The following PPM1D variants were observed in gnomAD, a reference collection of about 807,000 sequenced individuals.
The protein encoded by PPM1D is protein phosphatase, Mg2+/Mn2+ dependent 1D.
A neutral mutation model predicts 58.3 loss-of-function variants in PPM1D; 52 were observed. That is an observed-to-expected ratio of 0.89 (90% CI 0.71 to 1.12). The LOEUF (loss-of-function observed/expected upper bound fraction) is 1.12. Among genes scored for constraint, PPM1D ranks in the 50% most tolerant of loss-of-function variants. The pLI, the probability that PPM1D is intolerant of heterozygous loss-of-function variation, is 0.00. For missense variants in PPM1D, 564 were observed against 777.2 expected, an observed-to-expected ratio of 0.73 and a Z score of 3.26; for synonymous variants, 278 against 285.1, an observed-to-expected ratio of 0.98 and a Z score of 0.25.
intron 1 of PPM1D, among the ~76,000 whole-genome samples, chr17:60,603,275 T>A (rs1210562197): frequency 6.6e-6 from 1 of 152,164 alleles, no homozygotes; most frequent in Non-Finnish European, 1.5e-5. Flanking sequence ...AGAGAGTTTT[T>A]ATGTGGGCTA....
intron 2 of PPM1D, among the ~76,000 whole-genome samples, chr17:60,629,382 A>T (rs2030874789): frequency 6.6e-6 from 1 of 152,206 alleles, no homozygotes; most frequent in Non-Finnish European, 1.5e-5. Flanking sequence ...CACTTGGGAG[A>T]TGGAAAAATG....
At chr17:60,634,004 T>A (rs1232041471) in intron 3 of PPM1D, 27 bp downstream of exon 3, 2 of 1,607,722 alleles carry the variant, frequency 1.2e-6, no homozygotes, top group Non-Finnish European at 1.7e-6. Flanking sequence ...TTGGTGAAAT[T>A]ATATTGAATT....
chr17:60,638,151 A>G (rs1477673914), intron 3 of PPM1D, among the ~76,000 whole-genome samples: 2 of 152,212 alleles, frequency 1.3e-5, no homozygotes, highest in Non-Finnish European at 2.9e-5. Flanking sequence ...CTTTACTTCA[A>G]CATAATTTTG....
intron 1 of PPM1D, among the ~76,000 whole-genome samples, chr17:60,617,316 C>T (rs1209832564): frequency 6.6e-6 from 1 of 151,796 alleles, no homozygotes; most frequent in Non-Finnish European, 1.5e-5. Context: ...TTTATTCATT[C>T]ACATTTATTG....
chr17:60,660,203 G>A (rs1598414480), intron 5 of PPM1D, among the ~76,000 whole-genome samples: 2 of 152,110 alleles, frequency 1.3e-5, no homozygotes, highest in Admixed American at 1.3e-4. Context: ...GGGTGTGGTG[G>A]TGGGTGCCTG....
intron 2 of PPM1D, among the ~76,000 whole-genome samples, chr17:60,626,527 T>G (rs1459939804): frequency 6.6e-6 from 1 of 151,940 alleles, no homozygotes; most frequent in Non-Finnish European, 1.5e-5. Context: ...CTCTAGTAGC[T>G]GGGACTACAG....
At chr17:60,637,030 G>A (rs1310345090) in intron 3 of PPM1D, among the ~76,000 whole-genome samples, 3 of 143,392 alleles carry the variant, frequency 2.1e-5, no homozygotes, top group Admixed American at 7.3e-5. Flanking sequence ...GTGCAGTGAT[G>A]TGATCTCAGC....
rs528326902 is a variant in PPM1D at position 60,655,247 on chromosome 17, T to C, written c.1018-1352T>C. On this transcript the variant is annotated intron_variant, in intron 4 of 5. Coordinates refer to ENST00000305921, the MANE Select transcript of PPM1D (RefSeq NM_003620.4). ...TTTCTTCGATTTGCAGAATCTCTTA[T>C]GTTAGAAGGAATTTGACCCTTTGCA... is the stretch of plus-strand genomic sequence containing the variant. 3.9e-5 allele frequency among the ~76,000 whole-genome samples: 6 copies of C among 152,378 alleles called. No individual in the cohort carries two copies. In the South Asian group the frequency reaches 6.2e-4, roughly 16 times the overall value.
chr17:60,628,498 A>G (rs1197586213), intron 2 of PPM1D, among the ~76,000 whole-genome samples: 1 of 152,120 alleles, frequency 6.6e-6, no homozygotes, highest in Non-Finnish European at 1.5e-5. Flanking sequence ...AGTCCTCTGT[A>G]CTTTGTCTGT....
chr17:60,645,182 C>T (rs534056232), intron 3 of PPM1D, among the ~76,000 whole-genome samples: 1 of 152,098 alleles, frequency 6.6e-6, no homozygotes, highest in African/African-American at 2.4e-5. Context: ...GATGAAACCT[C>T]GTCTCTACTA....
intron 3 of PPM1D, among the ~76,000 whole-genome samples, chr17:60,637,535 T>G (rs1309181632): frequency 6.6e-6 from 1 of 152,148 alleles, no homozygotes; most frequent in African/African-American, 2.4e-5. Context: ...TTTCGGCATG[T>G]TTTAGACATT....
In PPM1D at chr17:60,600,339, G is replaced by A. The variant is rs944309598; in HGVS notation, c.-76G>A. ...CGTCGAAGATAAACAATAGTTGGCCGGCGAGCGCCTAGTGTGTCTCCCGCC... is the reference window on the plus strand; with the variant it reads ...CGTCGAAGATAAACAATAGTTGGCCAGCGAGCGCCTAGTGTGTCTCCCGCC... On this transcript the variant is annotated 5_prime_UTR_variant, in exon 1 of 6. Transcript: ENST00000305921. 2 of 1,509,710 alleles carry A rather than the reference G, an allele frequency of 1.3e-6. No individual in the cohort carries two copies. The allele number at this position is 1,509,710 out of a possible 1,614,324, so 93.5% of individuals were successfully genotyped here. A position where few individuals can be genotyped will look rare whatever the true frequency, so the allele number is the denominator to read the frequency against.
At chr17:60,620,939 T>C (rs1160005035) in intron 1 of PPM1D, among the ~76,000 whole-genome samples, 2 of 152,188 alleles carry the variant, frequency 1.3e-5, no homozygotes, top group Non-Finnish European at 2.9e-5. Flanking sequence ...TTCTTTTTTT[T>C]TGAGGCAGAT....
At chr17:60,615,051 T>C (rs1229302245) in intron 1 of PPM1D, among the ~76,000 whole-genome samples, 1 of 152,236 alleles carries the variant, frequency 6.6e-6, no homozygotes, top group Non-Finnish European at 1.5e-5. Flanking sequence ...AGAGATGTTA[T>C]AACAATTTAT....
chr17:60,600,917 C>T (rs751141001), intron 1 of PPM1D, 31 bp downstream of exon 1: 5 of 1,612,404 alleles, frequency 3.1e-6, no homozygotes, highest in East Asian at 2.2e-5. Flanking sequence ...GGCGCCCGCC[C>T]CTTTTTCAGG....
chr17:60,600,212 C>A lies in PPM1D; in HGVS notation c.-203C>A. On this transcript the variant is annotated 5_prime_UTR_variant, in exon 1 of 6. It adds an upstream start codon to the 5' untranslated region. Coordinates refer to ENST00000305921, the MANE Select transcript of PPM1D (RefSeq NM_003620.4). ...AAGCGCAGTGCGCAGGCGCAACTGC[C>A]TGGCTCTGCTCGCTCCGGCGCTCCG... 2 of 1,052,298 alleles carry A rather than the reference C, an allele frequency of 1.9e-6. No individual in the cohort carries two copies. The highest frequency in any genetic ancestry group is 2.6e-6 in the Non-Finnish European group (2 of 758,936). 65.2% of individuals were successfully genotyped at this position (1,052,298 alleles called of 1,614,324 possible).
intron 3 of PPM1D, among the ~76,000 whole-genome samples, chr17:60,642,357 T>A (rs2031151748): frequency 6.6e-6 from 1 of 151,270 alleles, no homozygotes; most frequent in East Asian, 1.9e-4. Flanking sequence ...AATGGATTTT[T>A]TTTTTTTTTT....
chr17:60,646,467 T>G (rs1402181717), intron 3 of PPM1D, among the ~76,000 whole-genome samples: 1 of 152,204 alleles, frequency 6.6e-6, no homozygotes, highest in African/African-American at 2.4e-5. Context: ...GTTTAACCTC[T>G]TGTCTGAAAA....
chr17:60,614,487 A>G (rs1019412908), intron 1 of PPM1D, among the ~76,000 whole-genome samples: 2 of 152,206 alleles, frequency 1.3e-5, no homozygotes, highest in African/African-American at 4.8e-5. Context: ...AAACAGACTA[A>G]TCAGCTCTCT....
Sources: allele counts gnomAD v4.1 joint callset (sites outside exome capture counted in the v4.1 genomes callset), GRCh38; gene constraint gnomAD v4.1.1; transcripts MANE v1.5; gene names NCBI Gene and HGNC (gene_info 2026-07-23, HGNC 2026-07-21).